SVOP: variants seen among roughly 807,000 people sequenced by gnomAD.
SVOP encodes synaptic vesicle 2-related protein.
A neutral mutation model predicts 69.1 loss-of-function variants in SVOP; 17 were observed. That is an observed-to-expected ratio of 0.25 (90% CI 0.17 to 0.37). SVOP has a LOEUF of 0.37. SVOP is among the 10% of genes least tolerant of loss of function. The pLI is 1.00. For missense variants in SVOP, 435 were observed against 597.5 expected (o/e 0.73, Z 2.84); for synonymous variants, 238 against 238.6 (o/e 1.00, Z 0.02).
chr12:108,931,952 G>C (rs2039822498), intron 11 of SVOP, among the ~76,000 whole-genome samples: 1 of 152,108 alleles, frequency 6.6e-6, no homozygotes, highest in African/African-American at 2.4e-5. Context: ...TATCCATAAA[G>C]CTCTGAGTAC....
At chr12:109,016,583 C>G (rs186359595) in intron 1 of SVOP, among the ~76,000 whole-genome samples, 20 of 152,224 alleles carry the variant, frequency 1.3e-4, no homozygotes, top group African/African-American at 4.8e-4. Flanking sequence ...AGGGCTTTTA[C>G]CCATACAGTT....
At chr12:108,932,846 G>C (rs976624735) in intron 11 of SVOP, among the ~76,000 whole-genome samples, 2 of 152,076 alleles carry the variant, frequency 1.3e-5, no homozygotes, top group Non-Finnish European at 2.9e-5. Flanking sequence ...CAGACCCTGA[G>C]GGAAATCAAA....
intron 1 of SVOP, among the ~76,000 whole-genome samples, chr12:109,000,119 T>C (rs1358249835): frequency 2.6e-5 from 4 of 151,972 alleles, no homozygotes; most frequent in East Asian, 1.9e-4. Context: ...TAAAAAATGA[T>C]AAAGGGGATA....
chr12:108,918,003 C>T (rs761950133), intron 14 of SVOP, 40 bp downstream of exon 14: 29 of 1,490,316 alleles, frequency 1.9e-5, no homozygotes, highest in Non-Finnish European at 2.4e-5. Context: ...ACTCTCCCCC[C>T]ACTGCCCGTT....
intron 11 of SVOP, among the ~76,000 whole-genome samples, chr12:108,924,130 T>C (rs1434746092): frequency 6.6e-6 from 1 of 152,160 alleles, no homozygotes; most frequent in Non-Finnish European, 1.5e-5. Context: ...GGACACAGTG[T>C]TTGCCCCTTT....
chr12:108,977,162 G>T (rs190456746), intron 4 of SVOP, among the ~76,000 whole-genome samples: 1 of 152,338 alleles, frequency 6.6e-6, no homozygotes. Context: ...TGGGTTTCAA[G>T]CTCCCAGCAA....
At position 108,912,134 on chromosome 12, in the gene SVOP, TG is replaced by T; in HGVS notation, c.*400del. Reference sequence around the variant, plus strand: ...AAACCTACTGAACAGGTCCGGTGGGTGGACAGCAGGTGTCACATGGGCCTGA... The same window carrying T: ...AAACCTACTGAACAGGTCCGGTGGGTGACAGCAGGTGTCACATGGGCCTGA... On this transcript the variant is annotated 3_prime_UTR_variant, in exon 16 of 16. Transcript: ENST00000610966. The T allele has an allele frequency of 9.8e-7, 1 of 1,024,934 alleles. No homozygotes were observed. Among genetic ancestry groups the T allele is most frequent in the Non-Finnish European group, 1.2e-6 (1 of 849,314 alleles). The allele number at this position is 1,024,934 out of a possible 1,614,324, so 63.5% of individuals were successfully genotyped here.
intron 7 of SVOP, among the ~76,000 whole-genome samples, chr12:108,944,806 C>T (rs36140404): frequency 0.46 from 70,475 of 151,992 alleles, 19,753 homozygotes; most frequent in South Asian, 0.63. Flanking sequence ...CCATTCAACA[C>T]CAGCTCTCAG....
At chr12:108,984,723 T>G (rs1208249725) in intron 1 of SVOP, among the ~76,000 whole-genome samples, 6 of 152,204 alleles carry the variant, frequency 3.9e-5, no homozygotes, top group African/African-American at 1.4e-4. Context: ...TTTCTTCATC[T>G]GGGACTCCGG....
intron 4 of SVOP, among the ~76,000 whole-genome samples, chr12:108,976,950 C>G (rs138564400): frequency 2.0e-5 from 3 of 152,318 alleles, no homozygotes; most frequent in East Asian, 3.9e-4. Flanking sequence ...GCTGATATCT[C>G]CCTGACAAAA....
intron 1 of SVOP, among the ~76,000 whole-genome samples, chr12:109,004,383 G>A (rs1336376783): frequency 6.6e-6 from 1 of 150,696 alleles, no homozygotes; most frequent in Admixed American, 6.6e-5. Flanking sequence ...TTAAATTAGG[G>A]CCTGTGACTC....
At chr12:109,005,437 C>T (rs560259820) in intron 1 of SVOP, among the ~76,000 whole-genome samples, 7 of 152,166 alleles carry the variant, frequency 4.6e-5, no homozygotes, top group South Asian at 2.1e-4. Context: ...CTTCCATAAG[C>T]ATCTATTGAG....
At chr12:109,004,227 A>ATG (rs1463990248) in intron 1 of SVOP, among the ~76,000 whole-genome samples, 1 of 152,162 alleles carries the variant, frequency 6.6e-6, no homozygotes, top group East Asian at 1.9e-4. Context: ...TTTGTTGTAT[A>ATG]TGTATATATA....
intron 6 of SVOP, among the ~76,000 whole-genome samples, chr12:108,949,105 T>C (rs1005166889): frequency 6.6e-6 from 1 of 152,158 alleles, no homozygotes; most frequent in Non-Finnish European, 1.5e-5. Flanking sequence ...CATTCTGTTT[T>C]TTTGTTTAGT....
At position 108,934,214 on chromosome 12, in the gene SVOP, C is replaced by A; in HGVS notation, c.1029G>T (p.Gln343His). ...GLVLLTTELF[Q>H]AGDVCGISSR... Reference sequence around the variant, plus strand: ...ACTCACTGCCGCAGACATCTCCTGCCTGGAAGAGTTCTGTGGTGAGTAGAA... The same window carrying A: ...ACTCACTGCCGCAGACATCTCCTGCATGGAAGAGTTCTGTGGTGAGTAGAA... Residue 343 changes from glutamine to histidine, a missense_variant, in exon 11 of 16, where the codon CAG becomes CAT. Gln to His is a conservative substitution (Grantham distance 24). Coordinates refer to ENST00000610966, the MANE Select transcript of SVOP (RefSeq NM_018711.5). The A allele has an allele frequency of 6.2e-7, 1 of 1,605,876 alleles. No homozygotes were observed. Among genetic ancestry groups the A allele is most frequent in the Non-Finnish European group, 8.5e-7 (1 of 1,176,232 alleles).
chr12:108,937,200 A>G, intron 10 of SVOP, 64 bp downstream of exon 10: 1 of 1,576,276 alleles, frequency 6.3e-7, no homozygotes, highest in Non-Finnish European at 8.7e-7. Flanking sequence ...TTGCATTAAA[A>G]CAAAACCCAA....
At chr12:109,020,770 C>CCCCCCGGGTT in intron 1 of SVOP, 64 bp downstream of exon 1, 2 of 474,588 alleles carry the variant, frequency 4.2e-6, no homozygotes, top group Non-Finnish European at 4.2e-6. Context: ...CCCCACCCCC[C>CCCCCCGGGTT]TTGCAGGTTT....
intron 10 of SVOP, 109 bp downstream of exon 10, chr12:108,937,155 C>G (rs982367136): frequency 1.8e-6 from 2 of 1,121,794 alleles, no homozygotes; most frequent in African/African-American, 1.5e-5. Flanking sequence ...CTGAAATTTG[C>G]AAACGCTGCC....
chr12:108,928,053 A>C (rs1269496818), intron 11 of SVOP, among the ~76,000 whole-genome samples: 1 of 151,722 alleles, frequency 6.6e-6, no homozygotes, highest in Non-Finnish European at 1.5e-5. Flanking sequence ...TTACAGGCAC[A>C]TGCCATCATG....
Sources: allele counts gnomAD v4.1 joint callset (sites outside exome capture counted in the v4.1 genomes callset), GRCh38; gene constraint gnomAD v4.1.1; transcripts MANE v1.5; gene names NCBI Gene and HGNC (gene_info 2026-07-23, HGNC 2026-07-21).